Variants in TRPM3 observed in about 807,000 individuals in gnomAD.
The protein encoded by TRPM3 is long transient receptor potential channel 3.
Under a neutral mutation model 181.2 loss-of-function variants are expected in TRPM3, and 77 were observed. That is an observed-to-expected ratio of 0.42 (90% CI 0.35 to 0.51). The LOEUF (loss-of-function observed/expected upper bound fraction) is 0.51. Ranked by LOEUF, TRPM3 falls within the 20% of genes least tolerant of loss-of-function variation. The pLI, the probability that TRPM3 is intolerant of heterozygous loss-of-function variation, is 0.01. For synonymous variants in TRPM3, 745 were observed against 796.4 expected (o/e 0.94, Z 1.09); for missense variants, 1,759 against 2,196.7 (o/e 0.80, Z 3.98).
At chr9:70,950,600 G>T in intron 1 of TRPM3, among the ~76,000 whole-genome samples, 1 of 152,148 alleles carries the variant, frequency 6.6e-6, no homozygotes, top group Admixed American at 6.5e-5. Context: ...GAAGCACTGA[G>T]AATGGCCACT....
intron 3 of TRPM3, among the ~76,000 whole-genome samples, chr9:70,856,737 G>A (rs1335086455): frequency 6.6e-6 from 1 of 152,132 alleles, no homozygotes; most frequent in Non-Finnish European, 1.5e-5. Flanking sequence ...TAAATCATAT[G>A]AAGATTATAA....
Position 70,598,451 on chromosome 9 carries a change from A to C in TRPM3, c.3016T>G (p.Leu1006Val), listed in dbSNP as rs1330622315. ...CCAATCATCATTACATACGGGCCCA[A>C]ATACTTGTTCACGCCGAAGATGTCT... ...LLDIFGVNKYLGPYVMMIGKM... is the reference protein window; with the variant it reads ...LLDIFGVNKYVGPYVMMIGKM... Residue 1006 changes from leucine (L) to valine (V), a missense_variant, in exon 21 of 26, where the codon TTG (leucine) becomes GTG (valine). By Grantham distance (32) the Leu-to-Val change is conservative. Transcript: ENST00000677713. 1.9e-6 allele frequency: 3 copies of C among 1,614,164 alleles called. No homozygotes were observed. Among genetic ancestry groups the C allele is most frequent in the Non-Finnish European group, 2.5e-6 (3 of 1,180,014 alleles).
chr9:70,887,039 G>A (rs2096098487), intron 1 of TRPM3, among the ~76,000 whole-genome samples: 1 of 152,142 alleles, frequency 6.6e-6, no homozygotes, highest in African/African-American at 2.4e-5. Flanking sequence ...GAGTCAAAAG[G>A]AAGGACATTC....
Position 70,885,962 on chromosome 9 carries a change from G to A in TRPM3, c.178-21451C>T, listed in dbSNP as rs114102153. Reference sequence around the variant, plus strand: ...CAACTTGGCATTTAAAATATACCACGGAAAGTAAAATTTTTCAATCTGTAT... The same window carrying A: ...CAACTTGGCATTTAAAATATACCACAGAAAGTAAAATTTTTCAATCTGTAT... On this transcript the variant is annotated intron_variant, in intron 1 of 25. Transcript: ENST00000677713. Among the ~76,000 whole-genome samples, 842 of 152,048 alleles carry A rather than the reference G, an allele frequency of 5.5e-3. 8 individuals are homozygous for A. The highest frequency in any genetic ancestry group is 0.019 in the African/African-American group (799 of 41,484).
chr9:71,285,413 A>C lies in TRPM3; in HGVS notation c.183+161240T>G, dbSNP rs921391764. On this transcript the variant is annotated intron_variant, in intron 1 of 24. Coordinates refer to the TRPM3 transcript ENST00000357533. ...TTTTTGTGTACCCAAACAAGCAAGGAAACACTGAGCAAACAGTATAGTCCT... is the reference window on the plus strand; with the variant it reads ...TTTTTGTGTACCCAAACAAGCAAGGCAACACTGAGCAAACAGTATAGTCCT... Among the ~76,000 whole-genome samples the C allele has an allele frequency of 8.4e-4, 128 of 152,176 alleles. 1 individual carries two copies. The highest frequency in any genetic ancestry group is 2.5e-3 in the Admixed American group (38 of 15,276).
intron 1 of TRPM3, among the ~76,000 whole-genome samples, chr9:70,995,940 G>A (rs1021922127): frequency 2.0e-5 from 3 of 152,044 alleles, no homozygotes; most frequent in African/African-American, 4.8e-5. Context: ...TAATTCCCTG[G>A]AGCCTTAGGC....
intron 6 of TRPM3, among the ~76,000 whole-genome samples, chr9:70,812,320 C>T (rs971022014): frequency 1.8e-4 from 27 of 152,312 alleles, no homozygotes; most frequent in Middle Eastern, 6.8e-3. Flanking sequence ...AACTCACCCA[C>T]TTTTCATGAA....
chr9:70,572,034 C>G (rs143778931), intron 22 of TRPM3, among the ~76,000 whole-genome samples: 1 of 152,146 alleles, frequency 6.6e-6, no homozygotes, highest in African/African-American at 2.4e-5. Context: ...GGCAGTGGTT[C>G]CCGGACGTCT....
At chr9:70,886,035 T>C (rs1196526668) in intron 1 of TRPM3, among the ~76,000 whole-genome samples, 1 of 152,220 alleles carries the variant, frequency 6.6e-6, no homozygotes, top group African/African-American at 2.4e-5. Flanking sequence ...TAAATGTGAA[T>C]GTTATAGACT....
rs192378761 is a variant in TRPM3 at position 70,747,102 on chromosome 9, G to A, written c.1272+14499C>T. Among the ~76,000 whole-genome samples, 312 of 152,294 alleles carry A rather than the reference G, an allele frequency of 2.0e-3. 2 individuals are homozygous for A. The highest frequency in any genetic ancestry group is 3.9e-3 in the Non-Finnish European group (266 of 68,034). On this transcript the variant is annotated intron_variant, in intron 8 of 25. Transcript: ENST00000677713. ...CTCACTTATTTGTTAAAGATTTATT[G>A]AGTGTCTGCTATATATATGCTATGA...
chr9:71,333,635 A>C (rs757665693), intron 1 of TRPM3, among the ~76,000 whole-genome samples: 13 of 151,936 alleles, frequency 8.6e-5, no homozygotes, highest in Non-Finnish European at 1.3e-4. Flanking sequence ...GTCAGCTGAA[A>C]TAGTCCTCTT....
At chr9:70,812,295 T>C (rs963046770) in intron 6 of TRPM3, among the ~76,000 whole-genome samples, 2 of 152,206 alleles carry the variant, frequency 1.3e-5, no homozygotes, top group South Asian at 2.1e-4. Flanking sequence ...AGCTGGCTGG[T>C]GAGAGGCATG....
At chr9:70,969,952 C>T (rs893526872) in intron 1 of TRPM3, among the ~76,000 whole-genome samples, 4 of 151,702 alleles carry the variant, frequency 2.6e-5, no homozygotes, top group Non-Finnish European at 4.4e-5. Flanking sequence ...CTATAGGTCT[C>T]GACACTATAC....
chr9:70,823,443 T>G (rs1487955912), intron 6 of TRPM3, among the ~76,000 whole-genome samples: 1 of 152,194 alleles, frequency 6.6e-6, no homozygotes, highest in East Asian at 1.9e-4. Context: ...TAGTTCCTGC[T>G]TTCACTCTCC....
chr9:70,549,570 C>T lies in TRPM3; in HGVS notation c.3679G>A (p.Asp1227Asn). Residue 1227 changes from aspartate (D) to asparagine (N), a missense_variant, in exon 25 of 26, where the codon GAT becomes AAT. Coordinates refer to ENST00000677713, the MANE Select transcript of TRPM3 (RefSeq NM_001366145.2). ...EKDDRFNSSNDERIRVTSERV... is the reference protein window; with the variant it reads ...EKDDRFNSSNNERIRVTSERV... ...TCTGAAGTCACCCGTATCCTCTCAT[C>T]ATTAGATGAGTTGAACCGATCATCC... The T allele has an allele frequency of 6.2e-7, 1 of 1,613,710 alleles. No homozygotes were observed. The highest frequency in any genetic ancestry group is 8.5e-7 in the Non-Finnish European group (1 of 1,179,826).
At chr9:71,190,840 G>T (rs1287144874) in intron 1 of TRPM3, among the ~76,000 whole-genome samples, 1 of 151,702 alleles carries the variant, frequency 6.6e-6, no homozygotes, top group Non-Finnish European at 1.5e-5. Context: ...AGGACTCTAC[G>T]ACTTAAAGAA....
chr9:70,585,349 C>T (rs961709866), intron 22 of TRPM3, among the ~76,000 whole-genome samples: 3 of 152,026 alleles, frequency 2.0e-5, no homozygotes, highest in Middle Eastern at 3.2e-3. Context: ...TACTTGTGCC[C>T]GCTGGTAAGC....
intron 1 of TRPM3, among the ~76,000 whole-genome samples, chr9:71,205,872 C>G (rs1366802727): frequency 1.3e-5 from 2 of 152,174 alleles, no homozygotes; most frequent in Admixed American, 1.3e-4. Flanking sequence ...TGTGTTTGCA[C>G]ACTGTGATTT....
intron 1 of TRPM3, among the ~76,000 whole-genome samples, chr9:70,997,800 C>CT (rs1311497707): frequency 6.6e-6 from 1 of 151,944 alleles, no homozygotes. Context: ...GAAATTTCAC[C>CT]TTTTTTTGCA....
Sources: gnomAD v4.1 joint callset for allele counts (sites outside exome capture counted in the v4.1 genomes callset) on GRCh38, gnomAD v4.1.1 for gene constraint, MANE v1.5 for transcripts, NCBI Gene and HGNC (gene_info 2026-07-23, HGNC 2026-07-21) for gene names.